ATP8A2: variants seen among roughly 807,000 people sequenced by gnomAD.
The protein encoded by ATP8A2 is phospholipid-transporting ATPase IB.
A neutral mutation model predicts 165.6 loss-of-function variants in ATP8A2; 100 were observed. The observed-to-expected ratio is 0.60, with a 90% confidence interval of 0.51 to 0.71. ATP8A2 has a LOEUF of 0.71. Ranked by LOEUF, ATP8A2 falls within the 30% of genes least tolerant of loss-of-function variation. The pLI is 0.00. For missense variants in ATP8A2, 1,227 were observed against 1,479.5 expected, an observed-to-expected ratio of 0.83 and a Z score of 2.80; for synonymous variants, 543 against 548.8, an observed-to-expected ratio of 0.99 and a Z score of 0.15.
In ATP8A2 at chr13:25,722,526, G is replaced by A. The variant is rs1460898771; in HGVS notation, c.2384+23181G>A. The stretch of plus-strand genomic sequence containing the variant: ...GAGACTGGTATATGTTTTGCATCCT[G>A]TACATGCTATGTATTTTGACACTTC... On this transcript the variant is annotated intron_variant, in intron 25 of 36. Coordinates refer to ENST00000381655, the MANE Select transcript of ATP8A2 (RefSeq NM_016529.6). Among the ~76,000 whole-genome samples the A allele has an allele frequency of 7.2e-5, 11 of 152,286 alleles. No homozygotes were observed. The East Asian group carries it at 1.2e-3, about 16-fold the overall frequency.
chr13:25,906,103 A>C (rs1020254488), intron 33 of ATP8A2, among the ~76,000 whole-genome samples: 1 of 151,882 alleles, frequency 6.6e-6, no homozygotes, highest in Non-Finnish European at 1.5e-5. Flanking sequence ...TGTCTTCCTC[A>C]TCCTTTTTAA....
chr13:25,464,293 C>A (rs542658128), intron 1 of ATP8A2, among the ~76,000 whole-genome samples: 1 of 152,158 alleles, frequency 6.6e-6, no homozygotes, highest in African/African-American at 2.4e-5. Flanking sequence ...AGGTTCTCTG[C>A]ATACTGCTTT....
At chr13:25,427,987 A>T (rs1240718306) in intron 1 of ATP8A2, among the ~76,000 whole-genome samples, 1 of 152,010 alleles carries the variant, frequency 6.6e-6, no homozygotes, top group Non-Finnish European at 1.5e-5. Context: ...ACTTCAGCCT[A>T]GTCCTTGGCA....
intron 26 of ATP8A2, 39 bp downstream of exon 26, chr13:25,769,268 G>A (rs1174799519): frequency 1.3e-6 from 2 of 1,575,404 alleles, no homozygotes; most frequent in African/African-American, 1.4e-5. Context: ...GTCCTGTTGA[G>A]AGATGATAGC....
intron 24 of ATP8A2, among the ~76,000 whole-genome samples, chr13:25,623,765 G>A (rs931315413): frequency 1.6e-4 from 25 of 151,884 alleles, no homozygotes; most frequent in African/African-American, 4.8e-4. Context: ...GTGTGTATAC[G>A]TGTATATATA....
At chr13:25,648,904 A>T (rs959095092) in intron 24 of ATP8A2, 1 of 434,454 alleles carries the variant, frequency 2.3e-6, no homozygotes, top group African/African-American at 2.0e-5. Context: ...TGTGGAACCC[A>T]TGAATATGGC....
chr13:25,944,873 C>T (rs9581488), intron 33 of ATP8A2: 58,337 of 151,936 alleles, frequency 0.38, 11,580 homozygotes, highest in African/African-American at 0.49. Flanking sequence ...TAGTCTCTTA[C>T]TGTATGACCT....
intron 35 of ATP8A2, among the ~76,000 whole-genome samples, chr13:26,001,038 C>T (rs572974848): frequency 1.3e-4 from 20 of 152,292 alleles, no homozygotes; most frequent in Admixed American, 1.2e-3. Flanking sequence ...CACTTCCTTT[C>T]CCCCACCTCC....
At chr13:25,583,411 G>A (rs892056844) in intron 23 of ATP8A2, among the ~76,000 whole-genome samples, 9 of 152,122 alleles carry the variant, frequency 5.9e-5, no homozygotes, top group Non-Finnish European at 8.8e-5. Flanking sequence ...TTAAAATTGA[G>A]CTGTAAAGTG....
At chr13:25,874,415 C>A (rs1271477211) in intron 33 of ATP8A2, among the ~76,000 whole-genome samples, 1 of 152,226 alleles carries the variant, frequency 6.6e-6, no homozygotes. Context: ...GACCTACGTG[C>A]TCCTATTGTA....
intron 34 of ATP8A2, among the ~76,000 whole-genome samples, chr13:25,965,415 A>G (rs1397897238): frequency 2.0e-5 from 3 of 152,242 alleles, no homozygotes; most frequent in African/African-American, 4.8e-5. Context: ...ATCTTAAGTC[A>G]GATTTGGCAC....
intron 26 of ATP8A2, among the ~76,000 whole-genome samples, chr13:25,771,816 C>T (rs1257709782): frequency 6.6e-6 from 1 of 152,204 alleles, no homozygotes; most frequent in African/African-American, 2.4e-5. Flanking sequence ...CAACATGCTG[C>T]CTCTACCTTA....
chr13:25,779,962 A>C (rs1234916978), intron 27 of ATP8A2, among the ~76,000 whole-genome samples: 1 of 152,244 alleles, frequency 6.6e-6, no homozygotes, highest in East Asian at 1.9e-4. Context: ...TTAGTTGTTC[A>C]GGGTTTTCTT....
chr13:25,962,425 C>T (rs563401865), intron 34 of ATP8A2, among the ~76,000 whole-genome samples: 118 of 152,204 alleles, frequency 7.8e-4, no homozygotes, highest in Non-Finnish European at 1.6e-3. Context: ...AATAGGAAAT[C>T]ATTCATATTA....
chr13:25,737,574 A>C (rs1339624818), intron 25 of ATP8A2, among the ~76,000 whole-genome samples: 1 of 152,246 alleles, frequency 6.6e-6, no homozygotes, highest in Non-Finnish European at 1.5e-5. Flanking sequence ...ATCATGGCTC[A>C]CTGGAGCCTT....
At chr13:25,423,303 A>G (rs1481345583) in intron 1 of ATP8A2, among the ~76,000 whole-genome samples, 1 of 152,172 alleles carries the variant, frequency 6.6e-6, no homozygotes, top group East Asian at 1.9e-4. Flanking sequence ...CCTTATTTGT[A>G]TATGTCTACC....
intron 33 of ATP8A2, among the ~76,000 whole-genome samples, chr13:25,901,245 AG>A (rs1953738125): frequency 6.6e-6 from 1 of 152,178 alleles, no homozygotes. Context: ...TGCTGGGTCA[AG>A]GGTTTTTAAG....
rs148257364 is a variant in ATP8A2 at position 25,520,903 on chromosome 13, C to T, written c.222-9096C>T. Among the ~76,000 whole-genome samples the T allele has an allele frequency of 2.7e-3, 418 of 152,280 alleles. 4 individuals carry two copies. Among genetic ancestry groups the T allele is most frequent in the African/African-American group, 9.5e-3 (395 of 41,568 alleles). On this transcript the variant is annotated intron_variant, in intron 2 of 36. Coordinates refer to ENST00000381655, the MANE Select transcript of ATP8A2 (RefSeq NM_016529.6). ...TGTTGGGATTACAGGCATGAGCCAC[C>T]GTGCCGGCCCTATTTTTAATTTTTT...
chr13:25,740,963 T>G (rs932830433), intron 25 of ATP8A2, among the ~76,000 whole-genome samples: 2 of 152,198 alleles, frequency 1.3e-5, no homozygotes, highest in African/African-American at 4.8e-5. Context: ...ACAGGCGTCT[T>G]TAGATAAGAC....
Sources: gnomAD v4.1 joint callset for allele counts (sites outside exome capture counted in the v4.1 genomes callset) on GRCh38, gnomAD v4.1.1 for gene constraint, MANE v1.5 for transcripts, NCBI Gene and HGNC (gene_info 2026-07-23, HGNC 2026-07-21) for gene names.